The following TRAPPC11 variants were observed in gnomAD, a reference collection of about 807,000 sequenced individuals.
TRAPPC11 encodes the protein foie gras homolog.
A neutral mutation model predicts 151.2 loss-of-function variants in TRAPPC11; 104 were observed. That is an observed-to-expected ratio of 0.69 (90% CI 0.59 to 0.81). TRAPPC11 has a LOEUF of 0.81. Ranked by LOEUF, TRAPPC11 falls within the 30% of genes least tolerant of loss-of-function variation. The pLI is 0.00. For synonymous variants in TRAPPC11, 456 were observed against 472.3 expected, an observed-to-expected ratio of 0.97 and a Z score of 0.45; for missense variants, 1,230 against 1,349.6, an observed-to-expected ratio of 0.91 and a Z score of 1.39.
Position 183,685,421 on chromosome 4 carries a change from A to G in TRAPPC11, c.1762+18A>G, listed in dbSNP as rs1263222181. ...GCCATTTGGTAGGTAGCTAACATCT[A>G]CAGTACTATTTCAGAGAAATTGTCT... is the stretch of plus-strand genomic sequence containing the variant. On this transcript the variant is annotated intron_variant, in intron 17 of 29. Transcript: ENST00000334690. 6.2e-7 allele frequency: 1 copy of G among 1,605,226 alleles called. No individual in the cohort carries two copies. Among genetic ancestry groups the G allele is most frequent in the Non-Finnish European group, 8.5e-7 (1 of 1,172,434 alleles).
In TRAPPC11 at chr4:183,681,502, C is replaced by T. The variant is rs192917817; in HGVS notation, c.1114-1230C>T. 9.8e-4 allele frequency among the ~76,000 whole-genome samples: 149 copies of T among 152,194 alleles called. 2 individuals are homozygous for T. Among genetic ancestry groups the T allele is most frequent in the East Asian group, 4.8e-3 (25 of 5,180 alleles). ...TTGGTTAAAATGTAAATTAATGGGC[C>T]GGGTGCGGTGGCTCACGCCTGTAAT... On this transcript the variant is annotated intron_variant, in intron 10 of 29. Transcript: ENST00000334690.
At position 183,692,946 on chromosome 4, in the gene TRAPPC11, T is replaced by A. The variant is rs2111064685; in HGVS notation, c.2050-14T>A. On this transcript the variant is annotated splice_polypyrimidine_tract_variant and intron_variant, in intron 19 of 29. Coordinates refer to ENST00000334690, the MANE Select transcript of TRAPPC11 (RefSeq NM_021942.6). Reference sequence around the variant, plus strand: ...ATGAGATGACATTTCCAACATCCTTTTTTTTCTTTTTAGATTACTTCAGTG... The same window carrying A: ...ATGAGATGACATTTCCAACATCCTTATTTTTCTTTTTAGATTACTTCAGTG... 2 of 1,587,716 alleles carry A rather than the reference T, an allele frequency of 1.3e-6. No homozygotes were observed. The highest frequency in any genetic ancestry group is 2.3e-5 in the East Asian group (1 of 44,262).
At chr4:183,705,199 C>A in intron 27 of TRAPPC11, 129 bp downstream of exon 27, 1 of 592,772 alleles carries the variant, frequency 1.7e-6, no homozygotes, top group Non-Finnish European at 3.0e-6. Context: ...AGCTTATGGC[C>A]AGTCTTGCTT....
At chr4:183,693,498 A>G in intron 20 of TRAPPC11, 91 bp from the exon 21 acceptor site, 1 of 1,390,002 alleles carries the variant, frequency 7.2e-7, no homozygotes, top group Non-Finnish European at 9.7e-7. Context: ...GAGCCTCTGC[A>G]CCCAGCCTCT....
chr4:183,666,538 T>C, intron 3 of TRAPPC11, 112 bp downstream of exon 3: 1 of 1,049,042 alleles, frequency 9.5e-7, no homozygotes, highest in Non-Finnish European at 1.4e-6. Context: ...ACTTTGCGGA[T>C]TGACCTCCAG....
At chr4:183,698,031 C>A (rs1262586827) in intron 25 of TRAPPC11, among the ~76,000 whole-genome samples, 196 bp downstream of exon 25, 1 of 152,052 alleles carries the variant, frequency 6.6e-6, no homozygotes, top group Admixed American at 6.6e-5. Flanking sequence ...CTTGAGTATA[C>A]CTGATTTTAA....
chr4:183,687,336 A>G, intron 18 of TRAPPC11, among the ~76,000 whole-genome samples: 1 of 110,602 alleles, frequency 9.0e-6, no homozygotes, highest in South Asian at 2.4e-4. Context: ...GTATATATAT[A>G]CTTTTTTTTT....
Position 183,665,251 on chromosome 4 carries a change from C to T in TRAPPC11, c.205-1006C>T, listed in dbSNP as rs190365640. Among the ~76,000 whole-genome samples, 646 of 152,030 alleles carry T rather than the reference C, an allele frequency of 4.2e-3. 1 individual carries two copies. Among genetic ancestry groups the T allele is most frequent in the Admixed American group, 9.6e-3 (147 of 15,272 alleles). ...CTGGGACTACAGGCGCCCGCCACCA[C>T]GTCCAGCTAATTTTCTGTATTTTTA... On this transcript the variant is annotated intron_variant, in intron 2 of 29. Coordinates refer to ENST00000334690, the MANE Select transcript of TRAPPC11 (RefSeq NM_021942.6).
At chr4:183,669,988 T>C (rs1351719393) in intron 5 of TRAPPC11, among the ~76,000 whole-genome samples, 2 of 152,216 alleles carry the variant, frequency 1.3e-5, no homozygotes, top group Non-Finnish European at 2.9e-5. Flanking sequence ...GCCTCCAGCA[T>C]GTGGATACAA....
At chr4:183,695,540 A>G (rs1048041836) in intron 23 of TRAPPC11, among the ~76,000 whole-genome samples, 4 of 152,160 alleles carry the variant, frequency 2.6e-5, no homozygotes, top group African/African-American at 7.2e-5. Flanking sequence ...TTAACAGGCC[A>G]TGTTTCTAAA....
rs73872656 is a variant in TRAPPC11 at position 183,674,985 on chromosome 4, A to C, written c.660+173A>C. 5.4e-3 allele frequency: 3,059 copies of C among 570,432 alleles called. 80 individuals carry two copies. The African/African-American group carries it at 0.055, about 10-fold the overall frequency. The allele number at this position is 570,432 out of a possible 1,614,324, so 35.3% of individuals were successfully genotyped here. On this transcript the variant is annotated intron_variant, in intron 6 of 29. Coordinates refer to ENST00000334690, the MANE Select transcript of TRAPPC11 (RefSeq NM_021942.6). ...TTTTAAATTAAACTCTTTGCTTTTA[A>C]AGTTCTTAAAGGTAGATTTTTATAG...
rs62358032 is a variant in TRAPPC11 at position 183,693,964 on chromosome 4, A to C, written c.2434A>C (p.Thr812Pro). 0.11 allele frequency: 173,805 copies of C among 1,613,816 alleles called. 10,653 individuals are homozygous for C. The highest frequency in any genetic ancestry group is 0.13 in the Non-Finnish European group (148,328 of 1,179,756). ...TQKTHVTLHG[T>P]ELCDESYPAL... is the part of the protein sequence containing the mutation. ...GAAGACTCACGTGACTCTTCATGGA[A>C]CAGAACTGTGTGATGAATCCTACCC... The change falls in exon 22 of 30, where the codon ACA (threonine) becomes CCA (proline). Residue 812 changes from threonine (T) to proline (P), a missense_variant. Coordinates refer to ENST00000334690, the MANE Select transcript of TRAPPC11 (RefSeq NM_021942.6).
intron 5 of TRAPPC11, among the ~76,000 whole-genome samples, chr4:183,673,993 A>T (rs1396704004): frequency 1.3e-5 from 2 of 152,188 alleles, no homozygotes; most frequent in Non-Finnish European, 2.9e-5. Context: ...TAGTTTTCTT[A>T]TTCTTTTAAA....
chr4:183,710,585 CT>C (rs1737295397), intron 29 of TRAPPC11, among the ~76,000 whole-genome samples: 1 of 151,820 alleles, frequency 6.6e-6, no homozygotes, highest in African/African-American at 2.4e-5. Context: ...TGCGCCCGGC[CT>C]AACATTTTTA....
At chr4:183,709,903 G>C (rs1737259906) in intron 29 of TRAPPC11, among the ~76,000 whole-genome samples, 1 of 152,194 alleles carries the variant, frequency 6.6e-6, no homozygotes, top group Non-Finnish European at 1.5e-5. Flanking sequence ...ACACTCTCCT[G>C]GTGAAGTCAC....
intron 20 of TRAPPC11, among the ~76,000 whole-genome samples, chr4:183,693,352 G>A (rs541773282): frequency 2.0e-5 from 3 of 152,060 alleles, no homozygotes; most frequent in African/African-American, 7.2e-5. Flanking sequence ...CTACAGCCAG[G>A]TGCCACCATG....
rs202186437 is a variant in TRAPPC11 at position 183,684,195 on chromosome 4, T to C, written c.1338T>C (p.Tyr446=). The C allele has an allele frequency of 6.2e-7, 1 of 1,614,084 alleles. No individual in the cohort carries two copies. The highest frequency in any genetic ancestry group is 8.5e-7 in the Non-Finnish European group (1 of 1,179,958). The change falls in exon 13 of 30, where the codon TAT becomes TAC. Residue 446 remains tyrosine, a synonymous_variant. Transcript: ENST00000334690. ...ATGCTGTTGCACAGTTCAAGAAGTA[T>C]AAGTGCCCGCGAATGAAAAGTCACC... The part of the protein sequence containing the change: ...LSNAVAQFKK[Y]KCPRMKSHLM...
At chr4:183,676,454 G>C (rs1157700125) in intron 7 of TRAPPC11, among the ~76,000 whole-genome samples, 1 of 152,012 alleles carries the variant, frequency 6.6e-6, no homozygotes, top group Non-Finnish European at 1.5e-5. Context: ...CTGGCCTGTA[G>C]TTCATTTTTA....
Position 183,659,381 on chromosome 4 carries a change from C to A in TRAPPC11, c.-88C>A, listed in dbSNP as rs1292450218. On this transcript the variant is annotated 5_prime_UTR_variant, in exon 1 of 30. Transcript: ENST00000334690. ...GGCGTTCTGTGACATCCCCCCGCCT[C>A]CCCTCGTCTTCTCCCGGCTGGCGGC... 1 of 167,236 alleles carries A rather than the reference C, an allele frequency of 6.0e-6. No individual in the cohort carries two copies. The highest frequency in any genetic ancestry group is 2.4e-5 in the African/African-American group (1 of 42,044). 10.4% of individuals were successfully genotyped at this position (167,236 alleles called of 1,614,324 possible). A position where few individuals can be genotyped will look rare whatever the true frequency, so the allele number is the denominator to read the frequency against.
Sources: allele counts gnomAD v4.1 joint callset (sites outside exome capture counted in the v4.1 genomes callset), GRCh38; gene constraint gnomAD v4.1.1; transcripts MANE v1.5; gene names NCBI Gene and HGNC (gene_info 2026-07-23, HGNC 2026-07-21).